CTXND1: variants seen among roughly 807,000 people sequenced by gnomAD.
CTXND1 encodes the protein cortexin domain containing 1, also known as cortexin domain-containing 1 protein.
chr15:80,216,696 ACT>A (rs1893257236), intron 1 of CTXND1, among the ~76,000 whole-genome samples: 1 of 151,680 alleles, frequency 6.6e-6, no homozygotes, highest in Admixed American at 6.6e-5. Context: ...CTCATGGCAA[ACT>A]CTGCCTCCTG....
chr15:80,205,780 T>A (rs771122151), intron 1 of CTXND1, among the ~76,000 whole-genome samples: 2 of 152,194 alleles, frequency 1.3e-5, no homozygotes, highest in African/African-American at 2.4e-5. Flanking sequence ...GGCGATGGAT[T>A]TGAGACTTCT....
chr15:80,228,636 C>CTTTTTTTTTTT lies in CTXND1; in HGVS notation c.-218+23370_-218+23371insAAAAAAAAAAA, dbSNP rs58443773. On this transcript the variant is annotated intron_variant, in intron 1 of 2. Transcript: ENST00000560778. ...CGCTGAAATGCTACAAAATCTGAAA[C>CTTTTTTTTTTT]TTTTTTTTTTGGAGACACAGTCTTG... is the stretch of plus-strand genomic sequence containing the variant. Among the ~76,000 whole-genome samples, 130 of 139,920 alleles carry CTTTTTTTTTTT rather than the reference C, an allele frequency of 9.3e-4. 1 individual carries two copies. Among genetic ancestry groups the CTTTTTTTTTTT allele is most frequent in the African/African-American group, 2.8e-3 (105 of 36,880 alleles). The allele number at this position is 139,920 out of a possible 152,430, so 91.8% of individuals were successfully genotyped here.
chr15:80,215,814 G>A (rs1567130051), intron 1 of CTXND1, among the ~76,000 whole-genome samples: 1 of 152,084 alleles, frequency 6.6e-6, no homozygotes. Context: ...TTCATTCCAG[G>A]GGCTTCGTTG....
rs1388580765 is a variant in CTXND1 at position 80,228,639 on chromosome 15, T to TTTTTTTTTC, written c.-218+23367_-218+23368insGAAAAAAAA. ...TGAAATGCTACAAAATCTGAAACTT[T>TTTTTTTTTC]TTTTTTTGGAGACACAGTCTTGCTC... On this transcript the variant is annotated intron_variant, in intron 1 of 2. Coordinates refer to ENST00000560778, the MANE Select transcript of CTXND1 (RefSeq NM_001352888.2). Among the ~76,000 whole-genome samples, 10 of 151,236 alleles carry TTTTTTTTTC rather than the reference T, an allele frequency of 6.6e-5. 1 individual carries two copies. The East Asian group carries it at 1.9e-3, about 29-fold the overall frequency.
chr15:80,247,947 A>C (rs920768998), intron 1 of CTXND1, among the ~76,000 whole-genome samples: 1 of 152,190 alleles, frequency 6.6e-6, no homozygotes, highest in Non-Finnish European at 1.5e-5. Context: ...ACAATTTGTC[A>C]AGTCAATTGA....
At chr15:80,205,400 A>G (rs1893137725) in intron 1 of CTXND1, among the ~76,000 whole-genome samples, 1 of 152,190 alleles carries the variant, frequency 6.6e-6, no homozygotes, top group Non-Finnish European at 1.5e-5. Context: ...ATTCATTTTA[A>G]TTCTGATTGA....
intron 1 of CTXND1, among the ~76,000 whole-genome samples, chr15:80,231,065 G>GA (rs1335654732): frequency 8.0e-5 from 12 of 149,154 alleles, no homozygotes; most frequent in East Asian, 3.9e-4. Flanking sequence ...CTCAAAAAAA[G>GA]AAAAAAAAAG....
intron 1 of CTXND1, among the ~76,000 whole-genome samples, chr15:80,210,815 G>A (rs1893196132): frequency 6.6e-6 from 1 of 152,204 alleles, no homozygotes; most frequent in African/African-American, 2.4e-5. Context: ...TCCCAGGTCA[G>A]GGTCCAGTGG....
At chr15:80,251,238 CG>C (rs1402408382) in intron 1 of CTXND1, among the ~76,000 whole-genome samples, 1 of 152,160 alleles carries the variant, frequency 6.6e-6, no homozygotes, top group Non-Finnish European at 1.5e-5. Flanking sequence ...ACTTTTGCTG[CG>C]GGCACGGAGA....
intron 1 of CTXND1, among the ~76,000 whole-genome samples, chr15:80,239,851 CTTGT>C (rs1339859915): frequency 2.6e-5 from 4 of 152,100 alleles, no homozygotes; most frequent in Non-Finnish European, 4.4e-5. Context: ...GTATTTTTAT[CTTGT>C]TTGACTGTTA....
chr15:80,198,010 A>G lies in CTXND1; in HGVS notation c.*3760T>C, dbSNP rs116877744. 1 of 152,216 alleles carries G rather than the reference A, an allele frequency of 6.6e-6. No individual in the cohort carries two copies. The highest frequency in any genetic ancestry group is 1.9e-4 in the East Asian group (1 of 5,198). The allele number at this position is 152,216 out of a possible 1,614,324, so 9.4% of individuals were successfully genotyped here. ...TGGTAAAGCTAGGGTCCTACTATAC[A>G]TATCCACCTGTCTGAGCATCCTTAG... is the stretch of plus-strand genomic sequence containing the variant. On this transcript the variant is annotated 3_prime_UTR_variant, in exon 3 of 3. Transcript: ENST00000560778.
chr15:80,247,973 C>A (rs145024479), intron 1 of CTXND1, among the ~76,000 whole-genome samples: 3 of 152,166 alleles, frequency 2.0e-5, no homozygotes, highest in African/African-American at 4.8e-5. Flanking sequence ...CGAAAAAGTG[C>A]ACCCCTCTGA....
chr15:80,237,336 G>GAAAAAAAAAAA (rs201997173), intron 1 of CTXND1, among the ~76,000 whole-genome samples: 14 of 101,490 alleles, frequency 1.4e-4, no homozygotes, highest in South Asian at 5.8e-4. Context: ...CAGTGTCTCA[G>GAAAAAAAAAAA]AAAAAAAAAA....
chr15:80,211,641 A>T (rs770392498), intron 1 of CTXND1, among the ~76,000 whole-genome samples: 1 of 152,118 alleles, frequency 6.6e-6, no homozygotes, highest in Non-Finnish European at 1.5e-5. Context: ...TGTGTTTAAG[A>T]CTTGTTATCT....
chr15:80,202,934 A>G (rs1301637165), intron 2 of CTXND1, among the ~76,000 whole-genome samples: 1 of 152,248 alleles, frequency 6.6e-6, no homozygotes, highest in Non-Finnish European at 1.5e-5. Context: ...TAGTGCCTAC[A>G]CTGACACATC....
intron 1 of CTXND1, among the ~76,000 whole-genome samples, chr15:80,211,594 C>G (rs1368030282): frequency 6.6e-6 from 1 of 152,108 alleles, no homozygotes; most frequent in African/African-American, 2.4e-5. Context: ...CGATGACAAT[C>G]AGCAGGGCGG....
chr15:80,234,014 C>T (rs1351133299), intron 1 of CTXND1, among the ~76,000 whole-genome samples: 1 of 152,202 alleles, frequency 6.6e-6, no homozygotes, highest in African/African-American at 2.4e-5. Context: ...AGCTGTCCCT[C>T]AGAAGAGGAG....
chr15:80,231,162 C>CT (rs773134498), intron 1 of CTXND1, among the ~76,000 whole-genome samples: 2 of 151,102 alleles, frequency 1.3e-5, no homozygotes, highest in African/African-American at 4.9e-5. Context: ...TAATTCTGCT[C>CT]TGGAGCCTGA....
At chr15:80,214,064 AT>A (rs1279879038) in intron 1 of CTXND1, among the ~76,000 whole-genome samples, 2 of 152,162 alleles carry the variant, frequency 1.3e-5, no homozygotes, top group African/African-American at 2.4e-5. Flanking sequence ...ATTAAAAACA[AT>A]TTTTGAAAAA....
Sources: gnomAD v4.1 joint callset for allele counts (sites outside exome capture counted in the v4.1 genomes callset) on GRCh38, gnomAD v4.1.1 for gene constraint, MANE v1.5 for transcripts, NCBI Gene and HGNC (gene_info 2026-07-23, HGNC 2026-07-21) for gene names.